The following RELN variants were observed in gnomAD, a reference collection of about 807,000 sequenced individuals.
RELN encodes the protein reelin.
Under a neutral mutation model 427.6 loss-of-function variants are expected in RELN, and 108 were observed. That is an observed-to-expected ratio of 0.25 (90% CI 0.22 to 0.30). The LOEUF (loss-of-function observed/expected upper bound fraction) is 0.30. Among genes scored for constraint, RELN ranks in the 10% least tolerant of loss-of-function variants. The pLI is 1.00. For missense variants in RELN, 3,715 were observed against 4,302.8 expected, an observed-to-expected ratio of 0.86 and a Z score of 3.82; for synonymous variants, 1,524 against 1,513.4, an observed-to-expected ratio of 1.01 and a Z score of -0.16.
chr7:103,976,248 G>A (rs934368662), intron 1 of RELN, among the ~76,000 whole-genome samples: 4 of 152,120 alleles, frequency 2.6e-5, no homozygotes, highest in East Asian at 1.9e-4. Flanking sequence ...TAAACTGGAC[G>A]GACACTGGGA....
At chr7:103,846,541 C>A (rs1793682052) in intron 2 of RELN, among the ~76,000 whole-genome samples, 1 of 152,122 alleles carries the variant, frequency 6.6e-6, no homozygotes, top group South Asian at 2.1e-4. Context: ...ACTAAAACAC[C>A]AAAAGCAACG....
chr7:103,963,696 A>C (rs955130732), intron 1 of RELN, among the ~76,000 whole-genome samples: 13 of 152,200 alleles, frequency 8.5e-5, no homozygotes, highest in South Asian at 4.1e-4. Flanking sequence ...TGTTTTCTCT[A>C]TGTTTGAAAT....
intron 20 of RELN, chr7:103,628,155 T>A (rs182553261): frequency 6.6e-6 from 1 of 152,232 alleles, no homozygotes; most frequent in Non-Finnish European, 1.5e-5. Flanking sequence ...TTCAGAAGCA[T>A]AAAATTCTAA....
chr7:103,675,571 C>A (rs138192799), intron 11 of RELN, among the ~76,000 whole-genome samples: 1 of 152,182 alleles, frequency 6.6e-6, no homozygotes, highest in East Asian at 1.9e-4. Flanking sequence ...AAAGAGCCCA[C>A]ATTGCCAAGA....
chr7:103,497,407 CT>C (rs150275579), intron 55 of RELN, among the ~76,000 whole-genome samples: 2,030 of 152,004 alleles, frequency 0.013, 43 homozygotes, highest in African/African-American at 0.046. Context: ...CAAAATCAGA[CT>C]TTTTTTTCAC....
chr7:103,891,099 C>CA (rs1429750383), intron 2 of RELN, among the ~76,000 whole-genome samples: 14 of 151,816 alleles, frequency 9.2e-5, no homozygotes. Context: ...CAAAACAAAA[C>CA]AAAAAACAAA....
intron 3 of RELN, among the ~76,000 whole-genome samples, chr7:103,777,463 C>T (rs1278706799): frequency 6.6e-6 from 1 of 152,088 alleles, no homozygotes. Flanking sequence ...AGCATGAAAT[C>T]TTAACTTTAG....
chr7:103,763,657 T>C (rs1319128512), intron 4 of RELN, among the ~76,000 whole-genome samples: 2 of 152,060 alleles, frequency 1.3e-5, no homozygotes, highest in Non-Finnish European at 2.9e-5. Flanking sequence ...GCTACAGTGA[T>C]AGGGTCAGGA....
At position 103,603,806 on chromosome 7, in the gene RELN, T is replaced by G. The variant is rs981697661; in HGVS notation, c.3147-316A>C. Among the ~76,000 whole-genome samples the G allele has an allele frequency of 6.6e-6, 1 of 152,148 alleles. No individual in the cohort carries two copies. The highest frequency in any genetic ancestry group is 1.5e-5 in the Non-Finnish European group (1 of 68,006). Reference sequence around the variant, plus strand: ...TGTGGGGGGCTGAGGGATAGTGGGATTTCCCTATTGCCTTAAAAAATCACA... The same window carrying G: ...TGTGGGGGGCTGAGGGATAGTGGGAGTTCCCTATTGCCTTAAAAAATCACA... On this transcript the variant is annotated intron_variant, in intron 23 of 64. Coordinates refer to ENST00000428762, the MANE Select transcript of RELN (RefSeq NM_005045.4). This position sits in a 1 kb window ranked among gnomAD's most constrained non-coding sequence, Gnocchi z 4.3.
chr7:103,752,181 A>G (rs975807072), intron 5 of RELN, among the ~76,000 whole-genome samples: 6 of 152,206 alleles, frequency 3.9e-5, no homozygotes, highest in African/African-American at 1.2e-4. Flanking sequence ...TACTATTATT[A>G]ATTCTACTTT....
chr7:103,894,557 C>A (rs766920256), intron 2 of RELN, among the ~76,000 whole-genome samples: 3 of 151,962 alleles, frequency 2.0e-5, no homozygotes, highest in Non-Finnish European at 4.4e-5. Flanking sequence ...TTTTCAAATA[C>A]GTTCGAAGAA....
At chr7:103,652,802 G>C in intron 13 of RELN, 43 bp from the exon 14 acceptor site, 1 of 1,569,062 alleles carries the variant, frequency 6.4e-7, no homozygotes. Flanking sequence ...ATCCTTTCTA[G>C]GCTAGTCCAT....
chr7:103,762,521 G>A (rs1791327434), intron 4 of RELN, among the ~76,000 whole-genome samples: 1 of 152,164 alleles, frequency 6.6e-6, no homozygotes, highest in African/African-American at 2.4e-5. Context: ...AGCAATTAGA[G>A]CTGATCCAAC....
At position 103,989,487 on chromosome 7, in the gene RELN, G is replaced by A. The variant is rs953565715; in HGVS notation, c.-131C>T. The A allele has an allele frequency of 2.1e-5, 17 of 792,264 alleles. No individual in the cohort carries two copies. The African/African-American group carries it at 3.0e-4, about 14-fold the overall frequency. 49.1% of individuals were successfully genotyped at this position (792,264 alleles called of 1,614,324 possible). A position where few individuals can be genotyped will look rare whatever the true frequency, so the allele number is the denominator to read the frequency against. ...GCGGACGGGAGCGGAACGGGCTCGG[G>A]AGCGGGCCTGGGAGCGGGCCCCCGC... On this transcript the variant is annotated 5_prime_UTR_variant, in exon 1 of 65. Coordinates refer to ENST00000428762, the MANE Select transcript of RELN (RefSeq NM_005045.4). This position sits in a 1 kb window ranked among gnomAD's most constrained non-coding sequence, Gnocchi z 4.9.
chr7:103,924,276 T>C (rs73715905), intron 1 of RELN, among the ~76,000 whole-genome samples: 12,669 of 152,242 alleles, frequency 0.083, 940 homozygotes, highest in East Asian at 0.22. Flanking sequence ...AGCCATTTAT[T>C]ATCATTATTA....
At chr7:103,567,381 C>T (rs563593488) in intron 31 of RELN, among the ~76,000 whole-genome samples, 6 of 152,228 alleles carry the variant, frequency 3.9e-5, no homozygotes, top group Non-Finnish European at 5.9e-5. Context: ...CATTCATCCA[C>T]GCCCCTCCAC....
intron 27 of RELN, among the ~76,000 whole-genome samples, chr7:103,590,357 T>C (rs1831381031): frequency 6.6e-6 from 1 of 151,316 alleles, no homozygotes. Flanking sequence ...AGGTCAGGAG[T>C]TCAAGACTAG....
In RELN at chr7:103,522,211, G is replaced by C. The variant is rs371778831; in HGVS notation, c.7491-12C>G. The C allele has an allele frequency of 3.7e-6, 6 of 1,613,390 alleles. No individual in the cohort carries two copies. The African/African-American group carries it at 8.0e-5, about 22-fold the overall frequency. On this transcript the variant is annotated splice_polypyrimidine_tract_variant and intron_variant, in intron 47 of 64. Transcript: ENST00000428762. Reference sequence around the variant, plus strand: ...ACTGTTCATCACAGCTGGGTGCAGAGCAAGAGAGAGGAAAAGTCAACATCA... The same window carrying C: ...ACTGTTCATCACAGCTGGGTGCAGACCAAGAGAGAGGAAAAGTCAACATCA...
intron 22 of RELN, 80 bp from the exon 23 acceptor site, chr7:103,604,563 T>G: frequency 6.9e-7 from 1 of 1,453,874 alleles, no homozygotes; most frequent in Non-Finnish European, 9.6e-7. Context: ...GAGTCCAAAA[T>G]CTTTCAGCTA....
Sources: gnomAD v4.1 joint callset for allele counts (sites outside exome capture counted in the v4.1 genomes callset) on GRCh38, gnomAD v4.1.1 for gene constraint, Gnocchi (gnomAD v3.1) non-coding constraint, MANE v1.5 for transcripts, NCBI Gene and HGNC (gene_info 2026-07-23, HGNC 2026-07-21) for gene names.